FAM178B: variants seen among roughly 807,000 people sequenced by gnomAD.
The protein encoded by FAM178B is protein FAM178B.
FAM178B carries 82 observed loss-of-function variants against 91.7 expected under a neutral mutation model. The ratio of observed to expected loss-of-function variants is 0.89; its 90% CI spans 0.75 to 1.07. The LOEUF (loss-of-function observed/expected upper bound fraction) is 1.07, where lower values mean the gene tolerates loss of function less well. FAM178B is among the 50% of genes least tolerant of loss of function. The probability of loss-of-function intolerance (pLI) is 0.00; values close to 1 mark genes in which losing one functional copy is unlikely to be tolerated. For missense variants in FAM178B, 769 were observed against 846.7 expected (o/e 0.91, Z 1.14); for synonymous variants, 368 against 359.4 (o/e 1.02, Z -0.27).
chr2:96,986,325 G>A lies in FAM178B; in HGVS notation c.-12C>T, dbSNP rs2082423646. Reference sequence around the variant, plus strand: ...AGCCTTGGCCACATAGGGCGGGAAGGGCAGGGCTCCGGGGTGAGGGAGGGT... The same window carrying A: ...AGCCTTGGCCACATAGGGCGGGAAGAGCAGGGCTCCGGGGTGAGGGAGGGT... On this transcript the variant is annotated 5_prime_UTR_variant, in exon 1 of 17. Coordinates refer to ENST00000490605, the MANE Select transcript of FAM178B (RefSeq NM_001122646.3). 6.5e-7 allele frequency: 1 copy of A among 1,533,668 alleles called. No homozygotes were observed. The highest frequency in any genetic ancestry group is 1.2e-5 in the South Asian group (1 of 83,954).
At position 96,914,545 on chromosome 2, in the gene FAM178B, T is replaced by C. The variant is rs190485860; in HGVS notation, c.1562+6620A>G. Among the ~76,000 whole-genome samples, 139 of 152,324 alleles carry C rather than the reference T, an allele frequency of 9.1e-4. No homozygotes were observed. The Middle Eastern group carries it at 0.014, about 15-fold the overall frequency. On this transcript the variant is annotated intron_variant, in intron 12 of 16. Transcript: ENST00000490605. ...ACTCAATTGCTTATGACAGTTCTTT[T>C]ATGGTTCAGTGTTTTAGGTGTCATC...
intron 8 of FAM178B, among the ~76,000 whole-genome samples, chr2:96,944,516 T>C (rs2081789185): frequency 6.6e-6 from 1 of 152,122 alleles, no homozygotes. Context: ...AACACTCTTG[T>C]CTCCTGAGAA....
At chr2:96,906,059 C>T (rs2081049487) in intron 12 of FAM178B, among the ~76,000 whole-genome samples, 2 of 146,100 alleles carry the variant, frequency 1.4e-5, no homozygotes, top group African/African-American at 2.5e-5. Flanking sequence ...TTAGTAGAGA[C>T]GGGGTTTCTC....
chr2:96,908,822 T>C (rs561756476), intron 12 of FAM178B, among the ~76,000 whole-genome samples: 1 of 152,042 alleles, frequency 6.6e-6, no homozygotes, highest in East Asian at 1.9e-4. Context: ...CTTTGTATGA[T>C]AAAAATCACA....
rs2082426079 is a variant in FAM178B, at chr2:96,986,430, G to GT, written c.-118dup. ...AGGAGCAGGCTCCCCAGGCGGCGCAGTGGGAGGACCCCAAGAGTTGCGTCC... is the reference window on the plus strand; with the variant it reads ...AGGAGCAGGCTCCCCAGGCGGCGCAGTTGGGAGGACCCCAAGAGTTGCGTCC... On this transcript the variant is annotated 5_prime_UTR_variant, in exon 1 of 17. Transcript: ENST00000490605. 1 of 1,267,000 alleles carries GT rather than the reference G, an allele frequency of 7.9e-7. No individual in the cohort carries two copies. Among genetic ancestry groups the GT allele is most frequent in the Non-Finnish European group, 1.1e-6 (1 of 942,216 alleles). The allele number at this position is 1,267,000 out of a possible 1,614,324, so 78.5% of individuals were successfully genotyped here. A position where few individuals can be genotyped will look rare whatever the true frequency, so the allele number is the denominator to read the frequency against.
Position 96,986,488 on chromosome 2 carries a change from G to T in FAM178B, c.-175C>A. ...CAGGGCCGCCAACGTGGAACCTAAA[G>T]ATCCAGTTCTGGGGATTGAGTTCCG... On this transcript the variant is annotated 5_prime_UTR_variant, in exon 1 of 17. Transcript: ENST00000490605. 2 of 735,958 alleles carry T rather than the reference G, an allele frequency of 2.7e-6. No homozygotes were observed. Among genetic ancestry groups the T allele is most frequent in the Non-Finnish European group, 4.3e-6 (2 of 468,654 alleles). The allele number at this position is 735,958 out of a possible 1,614,324, so 45.6% of individuals were successfully genotyped here.
intron 8 of FAM178B, among the ~76,000 whole-genome samples, chr2:96,934,139 G>A (rs2081587194): frequency 6.6e-6 from 1 of 152,220 alleles, no homozygotes; most frequent in Non-Finnish European, 1.5e-5. Flanking sequence ...AAGCAGCCCT[G>A]CTCTCGGGTT....
Position 96,973,189 on chromosome 2 carries a change from AGAGT to A in FAM178B, c.74-587_74-584del, listed in dbSNP as rs60393324. Reference sequence around the variant, plus strand: ...TGCCACTGCATGCCAGCCTGGCAACAGAGTGAGACTCCATTTCAAAAAAAAAAAA... The same window carrying A: ...TGCCACTGCATGCCAGCCTGGCAACAGAGACTCCATTTCAAAAAAAAAAAA... On this transcript the variant is annotated intron_variant, in intron 1 of 16. Transcript: ENST00000490605. Among the ~76,000 whole-genome samples the A allele has an allele frequency of 3.5e-5, 5 of 143,532 alleles. No homozygotes were observed. The East Asian group carries it at 1.0e-3, about 30-fold the overall frequency. The allele number at this position is 143,532 out of a possible 152,430, so 94.2% of individuals were successfully genotyped here.
Position 96,902,709 on chromosome 2 carries a change from T to G in FAM178B, c.1563-2A>C. On this transcript the variant is annotated splice_acceptor_variant, in intron 12 of 16. Transcript: ENST00000490605. LOFTEE classifies it high-confidence loss of function. ...AGGCTGAGCTGGCTTCGAAGCCGCCTGGGGGAAAAGCGACAGCCTGAGAGA... is the reference window on the plus strand; with the variant it reads ...AGGCTGAGCTGGCTTCGAAGCCGCCGGGGGGAAAAGCGACAGCCTGAGAGA... The G allele has an allele frequency of 6.5e-7, 1 of 1,549,156 alleles. No individual in the cohort carries two copies. Among genetic ancestry groups the G allele is most frequent in the Non-Finnish European group, 8.7e-7 (1 of 1,145,476 alleles).
intron 9 of FAM178B, among the ~76,000 whole-genome samples, chr2:96,928,463 G>A (rs780883306): frequency 3.9e-5 from 6 of 152,132 alleles, no homozygotes; most frequent in Non-Finnish European, 7.4e-5. Context: ...GACTGTCCAC[G>A]AGCAAGTCAG....
chr2:96,949,687 C>G (rs1334368663), intron 7 of FAM178B, among the ~76,000 whole-genome samples: 3 of 152,232 alleles, frequency 2.0e-5, no homozygotes, highest in Non-Finnish European at 2.9e-5. Flanking sequence ...CCCCCAAAGC[C>G]AGTGCACCCC....
At chr2:96,879,771 C>G (rs2080334681) in intron 14 of FAM178B, among the ~76,000 whole-genome samples, 1 of 152,216 alleles carries the variant, frequency 6.6e-6, no homozygotes, top group South Asian at 2.1e-4. Context: ...GAGAGCTGCC[C>G]TGGGGTGGGG....
intron 14 of FAM178B, among the ~76,000 whole-genome samples, chr2:96,882,856 T>G (rs2080420884): frequency 6.6e-6 from 1 of 152,214 alleles, no homozygotes; most frequent in Admixed American, 6.5e-5. Flanking sequence ...TGGGAAGCCC[T>G]AATGGGAAAT....
intron 6 of FAM178B, among the ~76,000 whole-genome samples, chr2:96,953,605 C>T (rs1201760284): frequency 2.6e-5 from 4 of 152,226 alleles, no homozygotes; most frequent in East Asian, 1.9e-4. Context: ...GAGTTCATTG[C>T]TGCTGAGAAA....
At chr2:96,884,412 A>G (rs2080465935) in intron 14 of FAM178B, among the ~76,000 whole-genome samples, 1 of 152,208 alleles carries the variant, frequency 6.6e-6, no homozygotes, top group South Asian at 2.1e-4. Context: ...GGATAGGGCG[A>G]GGCTGAGGCT....
chr2:96,899,828 C>T (rs1236094414), intron 13 of FAM178B, among the ~76,000 whole-genome samples: 1 of 150,748 alleles, frequency 6.6e-6, no homozygotes, highest in Non-Finnish European at 1.5e-5. Flanking sequence ...GAGACACTGC[C>T]TCCCGCGCCC....
chr2:96,898,201 G>T (rs1017932466), intron 13 of FAM178B: 4 of 830,470 alleles, frequency 4.8e-6, no homozygotes, highest in South Asian at 5.5e-5. Context: ...GAAAGGGAGG[G>T]ACGGCCCTTG....
chr2:96,889,721 T>TAAATAAATA (rs1479006608), intron 14 of FAM178B, among the ~76,000 whole-genome samples: 1 of 127,716 alleles, frequency 7.8e-6, no homozygotes, highest in African/African-American at 2.9e-5. Flanking sequence ...AATAAATAAA[T>TAAATAAATA]ACAAAAAAAA....
intron 3 of FAM178B, among the ~76,000 whole-genome samples, chr2:96,971,281 T>G (rs2082213791): frequency 9.3e-6 from 1 of 107,536 alleles, no homozygotes; most frequent in Non-Finnish European, 1.9e-5. Flanking sequence ...CTCCCCCTCC[T>G]TCCCTCTCTC....
Sources: allele counts gnomAD v4.1 joint callset (sites outside exome capture counted in the v4.1 genomes callset), GRCh38; gene constraint gnomAD v4.1.1; transcripts MANE v1.5; gene names NCBI Gene and HGNC (gene_info 2026-07-23, HGNC 2026-07-21).